Variants in DOK5 observed in about 807,000 individuals in gnomAD.
DOK5 encodes downstream of tyrosine kinase 5.
In DOK5, 27 loss-of-function variants were observed where a neutral mutation model predicts 43.3. The ratio of observed to expected loss-of-function variants is 0.62; its 90% CI spans 0.46 to 0.86. The LOEUF (loss-of-function observed/expected upper bound fraction) is 0.86, where lower values mean the gene tolerates loss of function less well. Ranked by LOEUF, DOK5 falls within the 40% of genes least tolerant of loss-of-function variation. The probability of loss-of-function intolerance (pLI) is 0.00; values close to 1 mark genes in which losing one functional copy is unlikely to be tolerated. For synonymous variants in DOK5, 146 were observed against 140.1 expected (o/e 1.04, Z -0.30); for missense variants, 373 against 392.9 (o/e 0.95, Z 0.43).
chr20:54,494,411 C>A (rs1381501355), intron 1 of DOK5, among the ~76,000 whole-genome samples: 1 of 152,158 alleles, frequency 6.6e-6, no homozygotes, highest in Non-Finnish European at 1.5e-5. Context: ...TTGAGCTAGA[C>A]CTGTGTGGTG....
At chr20:54,537,552 A>G (rs1158070391) in intron 1 of DOK5, among the ~76,000 whole-genome samples, 2 of 152,230 alleles carry the variant, frequency 1.3e-5, no homozygotes, top group Non-Finnish European at 2.9e-5. Flanking sequence ...AAATACAATA[A>G]TTGAAATTGG....
chr20:54,627,475 A>C (rs1246407965), intron 6 of DOK5, among the ~76,000 whole-genome samples: 1 of 152,216 alleles, frequency 6.6e-6, no homozygotes, highest in Non-Finnish European at 1.5e-5. Context: ...GTCACCCTTT[A>C]GTTAAGTAGA....
chr20:54,550,882 G>T (rs1298168467), intron 1 of DOK5, among the ~76,000 whole-genome samples: 1 of 151,610 alleles, frequency 6.6e-6, no homozygotes, highest in East Asian at 1.9e-4. Flanking sequence ...TTTTTTTTAT[G>T]TGGGGATAAA....
intron 1 of DOK5, among the ~76,000 whole-genome samples, chr20:54,539,792 A>G (rs1313860872): frequency 6.6e-6 from 1 of 152,228 alleles, no homozygotes; most frequent in African/African-American, 2.4e-5. Context: ...TGCCCAATCA[A>G]CAGTTATATT....
intron 1 of DOK5, among the ~76,000 whole-genome samples, chr20:54,533,671 A>C (rs529314364): frequency 6.6e-6 from 1 of 152,222 alleles, no homozygotes; most frequent in Non-Finnish European, 1.5e-5. Context: ...ATTTACTCAA[A>C]GCAGAATGAC....
Position 54,650,587 on chromosome 20 carries a change from A to C in DOK5, c.*108A>C, listed in dbSNP as rs533948148. The C allele has an allele frequency of 1.4e-4, 139 of 1,023,738 alleles. 1 individual carries two copies. In the East Asian group the frequency reaches 3.4e-3, roughly 25 times the overall value. 63.4% of individuals were successfully genotyped at this position (1,023,738 alleles called of 1,614,324 possible). ...AAATGACGACCAAGAGAAGAAGCTT[A>C]AAGTCCTGGCTAATTGTGTGGTCAT... On this transcript the variant is annotated 3_prime_UTR_variant, in exon 8 of 8. Transcript: ENST00000262593.
intron 1 of DOK5, among the ~76,000 whole-genome samples, chr20:54,523,642 G>C (rs1983485582): frequency 6.6e-6 from 1 of 152,024 alleles, no homozygotes; most frequent in African/African-American, 2.4e-5. Context: ...TTTTGTTCTT[G>C]TCGCCCAGGC....
chr20:54,566,016 C>CA (rs11450454), intron 2 of DOK5, among the ~76,000 whole-genome samples: 7,012 of 100,264 alleles, frequency 0.07, 333 homozygotes, highest in African/African-American at 0.13. Context: ...GATTCCGTCT[C>CA]AAAAAAAAAA....
chr20:54,595,986 G>T (rs2146776073), intron 5 of DOK5, among the ~76,000 whole-genome samples: 1 of 152,284 alleles, frequency 6.6e-6, no homozygotes. Context: ...GAAGGATGCT[G>T]GGCTTCTCCT....
chr20:54,574,818 G>A (rs1014893583), intron 2 of DOK5, among the ~76,000 whole-genome samples: 4 of 152,144 alleles, frequency 2.6e-5, no homozygotes, highest in Non-Finnish European at 5.9e-5. Context: ...AAGACTGTTT[G>A]CTGAAATGGT....
chr20:54,643,042 C>A (rs1257757768), intron 6 of DOK5, among the ~76,000 whole-genome samples: 1 of 152,210 alleles, frequency 6.6e-6, no homozygotes, highest in Non-Finnish European at 1.5e-5. Flanking sequence ...GGGGATAGAT[C>A]AATGAACAAA....
At chr20:54,480,131 T>C (rs1010251885) in intron 1 of DOK5, among the ~76,000 whole-genome samples, 17 of 152,106 alleles carry the variant, frequency 1.1e-4, no homozygotes, top group Admixed American at 1.1e-3. Flanking sequence ...AAAGGTCATG[T>C]CACCTGGCTG....
intron 1 of DOK5, among the ~76,000 whole-genome samples, chr20:54,542,686 A>G (rs1194679959): frequency 6.6e-6 from 1 of 152,232 alleles, no homozygotes; most frequent in Non-Finnish European, 1.5e-5. Flanking sequence ...ACATATATTT[A>G]TGAAAGAAGA....
intron 1 of DOK5, among the ~76,000 whole-genome samples, chr20:54,489,735 C>G (rs1465485951): frequency 1.3e-5 from 2 of 152,186 alleles, no homozygotes; most frequent in African/African-American, 4.8e-5. Context: ...AATCCAACGT[C>G]TATCTCTTTC....
intron 6 of DOK5, among the ~76,000 whole-genome samples, chr20:54,617,413 C>T (rs1986848775): frequency 6.6e-6 from 1 of 152,154 alleles, no homozygotes; most frequent in Non-Finnish European, 1.5e-5. Context: ...TCACTGCAGC[C>T]TCGACCTCCT....
At chr20:54,517,438 T>G (rs1054318212) in intron 1 of DOK5, among the ~76,000 whole-genome samples, 4 of 152,334 alleles carry the variant, frequency 2.6e-5, no homozygotes, top group African/African-American at 9.6e-5. Context: ...AATTATACAG[T>G]CTTTGAGGTT....
intron 1 of DOK5, among the ~76,000 whole-genome samples, chr20:54,495,559 T>C (rs190510807): frequency 2.0e-5 from 3 of 152,342 alleles, no homozygotes; most frequent in Non-Finnish European, 4.4e-5. Context: ...TTATAGAAGT[T>C]ACGCTCACAA....
intron 5 of DOK5, among the ~76,000 whole-genome samples, chr20:54,604,794 A>C (rs995140443): frequency 6.6e-6 from 1 of 152,056 alleles, no homozygotes; most frequent in African/African-American, 2.4e-5. Context: ...CGAGGTCAGG[A>C]GTTCGAGACC....
At chr20:54,644,180 C>T (rs1352815146) in intron 7 of DOK5, among the ~76,000 whole-genome samples, 1 of 152,204 alleles carries the variant, frequency 6.6e-6, no homozygotes, top group Non-Finnish European at 1.5e-5. Context: ...TGCTGAATGA[C>T]TTTAGGCAAA....
Sources: gnomAD v4.1 joint callset for allele counts (sites outside exome capture counted in the v4.1 genomes callset) on GRCh38, gnomAD v4.1.1 for gene constraint, MANE v1.5 for transcripts, NCBI Gene and HGNC (gene_info 2026-07-23, HGNC 2026-07-21) for gene names.